The following PROSER3 variants were observed in gnomAD, a reference collection of about 807,000 sequenced individuals.
PROSER3 encodes proline and serine-rich protein 3.
Under a neutral mutation model 50.2 loss-of-function variants are expected in PROSER3, and 33 were observed. The ratio of observed to expected loss-of-function variants is 0.66; its 90% CI spans 0.50 to 0.88. PROSER3 has a LOEUF of 0.88. PROSER3 is among the 40% of genes least tolerant of loss of function. PROSER3 has a pLI of 0.00. For missense variants in PROSER3, 623 were observed against 612.7 expected, an observed-to-expected ratio of 1.02 and a Z score of -0.18; for synonymous variants, 266 against 259.3, an observed-to-expected ratio of 1.03 and a Z score of -0.25.
intron 9 of PROSER3, 24 bp downstream of exon 9, chr19:35,768,089 G>A (rs1174610565): frequency 3.8e-6 from 6 of 1,590,906 alleles, no homozygotes; most frequent in Non-Finnish European, 5.1e-6. Flanking sequence ...CCTCCTGGAT[G>A]TTGGAGGCAG....
rs535528011 is a variant in PROSER3 at position 35,766,341 on chromosome 19, G to A, written c.770-427G>A. On this transcript the variant is annotated intron_variant, in intron 7 of 10. Coordinates refer to ENST00000396908, the Ensembl canonical transcript of PROSER3. ...GGATGATGATGGCTTGAGCCCAGGAGTTTGAGACCAGCTTGGGCAACAAAG... is the reference window on the plus strand; with the variant it reads ...GGATGATGATGGCTTGAGCCCAGGAATTTGAGACCAGCTTGGGCAACAAAG... 5.3e-5 allele frequency among the ~76,000 whole-genome samples: 8 copies of A among 152,222 alleles called. No homozygotes were observed. In the South Asian group the frequency reaches 1.5e-3, roughly 28 times the overall value.
chr19:35,759,551 G>A (rs534360752), intron 2 of PROSER3, 81 bp downstream of exon 2: 13 of 1,299,286 alleles, frequency 1.0e-5, no homozygotes, highest in Non-Finnish European at 1.2e-5. Flanking sequence ...GACATGTGAT[G>A]AGAGATAGGG....
intron 1 of PROSER3, chr19:35,758,553 C>A (rs1198620996): frequency 8.9e-6 from 3 of 336,778 alleles, no homozygotes; most frequent in Non-Finnish European, 1.6e-5. Flanking sequence ...TGAACTTTCT[C>A]GCGGAGGCGG....
chr19:35,767,634 G>A, intron 8 of PROSER3: 1 of 822,598 alleles, frequency 1.2e-6, no homozygotes, highest in Non-Finnish European at 1.9e-6. Flanking sequence ...CAGCTCAGGG[G>A]TGTCCTGGGC....
At chr19:35,760,012 G>A (rs775133873) in intron 3 of PROSER3, 21 bp downstream of exon 3, 3 of 1,532,876 alleles carry the variant, frequency 2.0e-6, no homozygotes, top group East Asian at 2.3e-5. Flanking sequence ...GCAGCCCTGG[G>A]GGAAAAAGAG....
At position 35,766,920 on chromosome 19, in the gene PROSER3, TG is replaced by T; in HGVS notation, c.925del (p.Val309CysfsTer4). On this transcript the variant is annotated frameshift_variant, in exon 8 of 11. Transcript: ENST00000396908. LOFTEE classifies it high-confidence loss of function. ...TCAGGGAAGCAAGGGTGACAGAGCT[TG>T]GGTGCCGCCTCTGACCCCTGCCCTC... The T allele has an allele frequency of 6.4e-7, 1 of 1,554,646 alleles. No homozygotes were observed.
chr19:35,768,462 T>C (rs1568415826), exon 11 of PROSER3: 3 of 1,597,982 alleles, frequency 1.9e-6, no homozygotes, highest in African/African-American at 2.7e-5. Context: ...GGGATCTTGG[T>C]CCCCTCCAGC....
At chr19:35,763,806 T>G (rs1463905458) in intron 5 of PROSER3, among the ~76,000 whole-genome samples, 1 of 127,618 alleles carries the variant, frequency 7.8e-6, no homozygotes, top group East Asian at 2.2e-4. Context: ...GCGCCCGGCC[T>G]TCTTTTTTTT....
exon 8 of PROSER3, chr19:35,766,824 T>C: frequency 6.4e-7 from 1 of 1,550,666 alleles, no homozygotes; most frequent in Non-Finnish European, 8.7e-7. Context: ...CCCAGCCTCC[T>C]CCCAAGCACC....
chr19:35,769,468 C>A (rs1236648917), downstream of PROSER3: 4 of 151,876 alleles, frequency 2.6e-5, no homozygotes, highest in Non-Finnish European at 5.9e-5. Flanking sequence ...CCACGGTCGG[C>A]TAATTTTTTT....
rs900144714 is a variant in PROSER3, at chr19:35,765,143, G to A, written c.736G>A (p.Asp246Asn). ...TCCCTTCTCGGAGACCTTCATCCCT[G>A]ACTCCAGCAAGGGCCTTGGCCCCAG... Residue 246 changes from aspartate (D) to asparagine (N), a missense_variant, in exon 7 of 11, where the codon GAC becomes AAC. By Grantham distance (23) the Asp-to-Asn change is conservative. This residue lies in a region of PROSER3 where 380 missense variants were observed against 346.8 expected (regional missense o/e 1.10). Coordinates refer to ENST00000396908, the Ensembl canonical transcript of PROSER3. 1.2e-6 allele frequency: 2 copies of A among 1,613,596 alleles called. No individual in the cohort carries two copies. Among genetic ancestry groups the A allele is most frequent in the Admixed American group, 1.7e-5 (1 of 59,994 alleles).
chr19:35,758,618 C>T, intron 1 of PROSER3: 1 of 244,500 alleles, frequency 4.1e-6, no homozygotes, highest in Non-Finnish European at 7.8e-6. Flanking sequence ...TCGTGTCCCC[C>T]AGGAATGTAT....
At chr19:35,767,687 A>G (rs1265428193) in intron 8 of PROSER3, 1 of 1,285,956 alleles carries the variant, frequency 7.8e-7, no homozygotes, top group Non-Finnish European at 1.1e-6. Flanking sequence ...CCTGGAGGAC[A>G]CGCCTCCTCA....
chr19:35,758,246 C>G lies in PROSER3; in HGVS notation c.11+20C>G. The G allele has an allele frequency of 6.4e-7, 1 of 1,561,406 alleles. No homozygotes were observed. Among genetic ancestry groups the G allele is most frequent in the Admixed American group, 1.9e-5 (1 of 52,064 alleles). ...CCGCAGGTGAGGCCGATCGCTCTTC[C>G]AGGGACTACAGGAGGCTGGGGAGGA... On this transcript the variant is annotated intron_variant, in intron 1 of 10. Coordinates refer to ENST00000396908, the Ensembl canonical transcript of PROSER3.
chr19:35,764,844 C>T lies in PROSER3; in HGVS notation c.544-10C>T. On this transcript the variant is annotated splice_polypyrimidine_tract_variant and intron_variant, in intron 5 of 10. Coordinates refer to ENST00000396908, the Ensembl canonical transcript of PROSER3. The stretch of plus-strand genomic sequence containing the variant: ...GGTTGGGGCTGGCGTCTGACCCTGT[C>T]ACCCTGCAGAACCTCCACACATGGA... 1 of 1,611,726 alleles carries T rather than the reference C, an allele frequency of 6.2e-7. No homozygotes were observed. The highest frequency in any genetic ancestry group is 1.3e-5 in the African/African-American group (1 of 74,968).
intron 1 of PROSER3, chr19:35,758,844 T>C (rs1970857930): frequency 6.5e-6 from 1 of 153,372 alleles, no homozygotes; most frequent in Non-Finnish European, 1.5e-5. Flanking sequence ...ATTTTTTATA[T>C]TTTTAGTAGA....
exon 3 of PROSER3, chr19:35,759,895 G>A (rs772773573): frequency 4.6e-5 from 74 of 1,598,188 alleles, no homozygotes; most frequent in Non-Finnish European, 6.1e-5. Context: ...TGGCCATCCA[G>A]TTCAGGGACC....
chr19:35,766,934 G>A, exon 8 of PROSER3: 2 of 1,554,782 alleles, frequency 1.3e-6, no homozygotes, highest in Non-Finnish European at 1.7e-6. Context: ...TGCCGCCTCT[G>A]ACCCCTGCCC....
exon 1 of PROSER3, chr19:35,758,209 C>A (rs763561639): frequency 2.6e-6 from 4 of 1,561,110 alleles, no homozygotes; most frequent in Non-Finnish European, 3.5e-6. Context: ...GCGGAGGGAG[C>A]CGCGGGATGG....
Sources: gnomAD v4.1 joint callset for allele counts (sites outside exome capture counted in the v4.1 genomes callset) on GRCh38, gnomAD v4.1.1 for gene constraint, gnomAD v4.1.1 regional missense constraint, MANE v1.5 for transcripts, NCBI Gene and HGNC (gene_info 2026-07-23, HGNC 2026-07-21) for gene names.